VPS50: variants seen among roughly 807,000 people sequenced by gnomAD.
VPS50 encodes the protein VPS50 subunit of EARP/GARPII complex.
Under a neutral mutation model 139.7 loss-of-function variants are expected in VPS50, and 70 were observed. The observed-to-expected ratio is 0.50, with a 90% CI of 0.41 to 0.61. VPS50 has a LOEUF of 0.61. Among genes scored for constraint, VPS50 ranks in the 20% least tolerant of loss-of-function variants. The pLI, the probability that VPS50 is intolerant of heterozygous loss-of-function variation, is 0.00. For missense variants in VPS50, 921 were observed against 1,133.7 expected (o/e 0.81, Z 2.69); for synonymous variants, 365 against 376.7 (o/e 0.97, Z 0.36).
intron 9 of VPS50, among the ~76,000 whole-genome samples, chr7:93,265,352 C>T (rs1362329524): frequency 6.6e-6 from 1 of 152,098 alleles, no homozygotes; most frequent in Non-Finnish European, 1.5e-5. Context: ...TTCAACTCTG[C>T]CTTTGTAGTC....
rs528284867 is a variant in VPS50, at chr7:93,275,413, G to A, written c.802-752G>A. Among the ~76,000 whole-genome samples, 361 of 152,142 alleles carry A rather than the reference G, an allele frequency of 2.4e-3. 2 individuals are homozygous for A. Among genetic ancestry groups the A allele is most frequent in the African/African-American group, 7.9e-3 (327 of 41,506 alleles). On this transcript the variant is annotated intron_variant, in intron 11 of 27. Coordinates refer to ENST00000305866, the MANE Select transcript of VPS50 (RefSeq NM_017667.4). ...TTTCAGAAATTGCCATAGCCACTTC[G>A]GCCTTTAGCAACCAGCACCCTGATC...
intron 4 of VPS50, among the ~76,000 whole-genome samples, chr7:93,256,244 T>A (rs878914025): frequency 1.3e-5 from 2 of 152,212 alleles, no homozygotes; most frequent in Admixed American, 1.3e-4. Context: ...AATCAGATAA[T>A]GATACACATA....
At chr7:93,356,293 C>G (rs1000738716) in intron 27 of VPS50, 6 of 284,214 alleles carry the variant, frequency 2.1e-5, no homozygotes, top group African/African-American at 8.7e-5. Flanking sequence ...TTTTTCAGCC[C>G]TTTGTGAACT....
At chr7:93,243,175 A>G (rs1465234946) in intron 2 of VPS50, among the ~76,000 whole-genome samples, 1 of 152,006 alleles carries the variant, frequency 6.6e-6, no homozygotes, top group East Asian at 1.9e-4. Context: ...AAAATAGTAT[A>G]GAAAAGTAGA....
chr7:93,286,713 T>C (rs1332511108), intron 12 of VPS50, among the ~76,000 whole-genome samples: 3 of 152,178 alleles, frequency 2.0e-5, no homozygotes, highest in African/African-American at 7.2e-5. Flanking sequence ...CTGGCTTCAT[T>C]GAATCTCTCT....
chr7:93,259,569 C>G lies in VPS50; in HGVS notation c.596C>G (p.Ala199Gly). The change falls in exon 9 of 28, where the codon GCT (alanine) becomes GGT (glycine). Residue 199 changes from alanine (A) to glycine (G), a missense_variant. Ala to Gly is a moderately conservative substitution (Grantham distance 60). Transcript: ENST00000305866. ...CTTAAGGAGGAAGATTATCCAGGAG[C>G]TATTCAGTTGTGCCTTGAATGTCAA... Reference protein sequence around the residue: ...EMLEEEDYPGAIQLCLECQKA... With the variant: ...EMLEEEDYPGGIQLCLECQKA... 1 of 1,584,720 alleles carries G rather than the reference C, an allele frequency of 6.3e-7. No individual in the cohort carries two copies. Among genetic ancestry groups the G allele is most frequent in the South Asian group, 1.1e-5 (1 of 90,238 alleles).
At position 93,285,725 on chromosome 7, in the gene VPS50, T is replaced by A. The variant is rs73712824; in HGVS notation, c.943-5978T>A. On this transcript the variant is annotated intron_variant, in intron 12 of 27. Transcript: ENST00000305866. ...AGAAGAAATGGAAGGTGCCAAGTGT[T>A]ACTGTGAACTGACAGTGATAAGAGA... is the stretch of plus-strand genomic sequence containing the variant. Among the ~76,000 whole-genome samples the A allele has an allele frequency of 6.8e-3, 1,042 of 152,302 alleles. 9 individuals carry two copies. Among genetic ancestry groups the A allele is most frequent in the African/African-American group, 0.024 (980 of 41,554 alleles).
chr7:93,287,690 G>A (rs1796530917), intron 12 of VPS50, among the ~76,000 whole-genome samples: 1 of 152,040 alleles, frequency 6.6e-6, no homozygotes, highest in Admixed American at 6.6e-5. Flanking sequence ...TTTATGCGAA[G>A]TTGGGCTAAT....
rs959381264 is a variant in VPS50, at chr7:93,359,953, T to A, written c.*1517T>A. ...CTTTCCTCTTGTAAAAAGGTATGAG[T>A]TTGGTGCCATTATGATTTGGTTGTG... On this transcript the variant is annotated 3_prime_UTR_variant, in exon 28 of 28. Transcript: ENST00000305866. 1.3e-5 allele frequency: 2 copies of A among 152,136 alleles called. No individual in the cohort carries two copies. Among genetic ancestry groups the A allele is most frequent in the Non-Finnish European group, 2.9e-5 (2 of 68,022 alleles). The allele number at this position is 152,136 out of a possible 1,614,324, so 9.4% of individuals were successfully genotyped here. A position where few individuals can be genotyped will look rare whatever the true frequency, so the allele number is the denominator to read the frequency against.
Position 93,291,950 on chromosome 7 carries a change from AC to A in VPS50, c.1075+117del, listed in dbSNP as rs1344317435. ...CTTTGGGATTTCAAAGATTACAGTG[AC>A]CATAGGCTAAATATTGAGCAAAGAA... On this transcript the variant is annotated intron_variant, in intron 13 of 27. Transcript: ENST00000305866. The A allele has an allele frequency of 7.9e-6, 5 of 631,708 alleles. No individual in the cohort carries two copies. In the Admixed American group the frequency reaches 1.3e-4, roughly 17 times the overall value. 39.1% of individuals were successfully genotyped at this position (631,708 alleles called of 1,614,324 possible). A position where few individuals can be genotyped will look rare whatever the true frequency, so the allele number is the denominator to read the frequency against.
chr7:93,273,131 T>C (rs1796058538), intron 11 of VPS50: 2 of 153,174 alleles, frequency 1.3e-5, no homozygotes, highest in African/African-American at 4.8e-5. Context: ...CTCAAAATGA[T>C]ATGTCAGCAT....
chr7:93,291,369 G>A (rs1461880454), intron 12 of VPS50, among the ~76,000 whole-genome samples: 2 of 152,022 alleles, frequency 1.3e-5, no homozygotes, highest in African/African-American at 4.8e-5. Context: ...TGCATGTTTA[G>A]GATCATGTCT....
intron 24 of VPS50, among the ~76,000 whole-genome samples, chr7:93,349,534 C>G (rs1798499647): frequency 6.6e-6 from 1 of 152,010 alleles, no homozygotes; most frequent in African/African-American, 2.4e-5. Context: ...TGCAGTATTG[C>G]AGGGGAGAGA....
chr7:93,239,313 G>C (rs1794910958), intron 1 of VPS50, among the ~76,000 whole-genome samples: 2 of 152,058 alleles, frequency 1.3e-5, no homozygotes, highest in African/African-American at 4.8e-5. Context: ...AATATAGAAA[G>C]TACAGGGCAC....
chr7:93,237,490 A>G (rs1048374653), intron 1 of VPS50, among the ~76,000 whole-genome samples: 3 of 152,112 alleles, frequency 2.0e-5, no homozygotes, highest in Non-Finnish European at 4.4e-5. Flanking sequence ...TTGGTATTGA[A>G]TTGTTGTGTG....
At chr7:93,294,915 G>A (rs569566424) in intron 14 of VPS50, among the ~76,000 whole-genome samples, 2 of 152,192 alleles carry the variant, frequency 1.3e-5, no homozygotes, top group African/African-American at 2.4e-5. Flanking sequence ...CTATCATAGA[G>A]AAATGTATGC....
At chr7:93,313,722 G>T (rs1314970922) in intron 20 of VPS50, among the ~76,000 whole-genome samples, 1 of 151,450 alleles carries the variant, frequency 6.6e-6, no homozygotes, top group African/African-American at 2.4e-5. Flanking sequence ...TTGAACAGTG[G>T]GTTTGTAGGA....
chr7:93,255,493 T>C (rs1191203394), intron 4 of VPS50, among the ~76,000 whole-genome samples: 1 of 152,206 alleles, frequency 6.6e-6, no homozygotes, highest in African/African-American at 2.4e-5. Context: ...TCCTGCTGTG[T>C]AGCCTGGTTC....
In VPS50 at chr7:93,356,021, T is replaced by C. The variant is rs757128313; in HGVS notation, c.2716T>C (p.Tyr906His). The C allele has an allele frequency of 6.3e-7, 1 of 1,580,312 alleles. No individual in the cohort carries two copies. The highest frequency in any genetic ancestry group is 1.7e-5 in the Admixed American group (1 of 59,318). Residue 906 changes from tyrosine to histidine, a missense_variant, in exon 27 of 28, where the codon TAT (tyrosine) becomes CAT (histidine). Physicochemically the swap from Tyr to His is moderately conservative, Grantham distance 83 (BLOSUM62 2). Transcript: ENST00000305866. ...PIPDKEFVET[Y>H]IKAYYLTEND... The stretch of plus-strand genomic sequence containing the variant: ...TCCTGATAAAGAATTTGTAGAAACT[T>C]ATATTAAAGCTTATTACCTAACTGA...
Sources: allele counts gnomAD v4.1 joint callset (sites outside exome capture counted in the v4.1 genomes callset), GRCh38; gene constraint gnomAD v4.1.1; transcripts MANE v1.5; gene names NCBI Gene and HGNC (gene_info 2026-07-23, HGNC 2026-07-21).